Variants in MINK1 observed in about 807,000 individuals in gnomAD.
The protein encoded by MINK1 is misshapen like kinase 1, also known as misshapen-like kinase 1.
MINK1 carries 46 observed loss-of-function variants against 178.4 expected under a neutral mutation model. The observed-to-expected ratio is 0.26, with a 90% confidence interval of 0.20 to 0.33. The LOEUF is 0.33. Among genes scored for constraint, MINK1 ranks in the 10% least tolerant of loss-of-function variants. The pLI, the probability that MINK1 is intolerant of heterozygous loss-of-function variation, is 1.00. For synonymous variants in MINK1, 797 were observed against 709.7 expected, an observed-to-expected ratio of 1.12 and a Z score of -1.96; for missense variants, 1,366 against 1,814.9, an observed-to-expected ratio of 0.75 and a Z score of 4.49.
chr17:4,840,739 G>C (rs563155325), intron 1 of MINK1, among the ~76,000 whole-genome samples: 31 of 152,338 alleles, frequency 2.0e-4, no homozygotes, highest in Non-Finnish European at 3.4e-4. Context: ...TTGTATACAA[G>C]TAAAGGATGA....
At position 4,889,751 on chromosome 17, in the gene MINK1, G is replaced by GGAGCGCGAGCAGGTA; in HGVS notation, c.1342_1347+9dup. On this transcript the variant is annotated inframe_insertion, in exon 13 of 32. Coordinates refer to ENST00000355280, the MANE Select transcript of MINK1 (RefSeq NM_153827.5). ...GGCGGGAGGAGGAGCGGCGGCAGGCGGAGCGCGAGCAGGTAGAGCGCCGCA... is the reference window on the plus strand; with the variant it reads ...GGCGGGAGGAGGAGCGGCGGCAGGCGGAGCGCGAGCAGGTAGAGCGCGAGCAGGTAGAGCGCCGCA... The GGAGCGCGAGCAGGTA allele has an allele frequency of 6.5e-7, 1 of 1,540,008 alleles. No individual in the cohort carries two copies. Among genetic ancestry groups the GGAGCGCGAGCAGGTA allele is most frequent in the Non-Finnish European group, 8.7e-7 (1 of 1,146,092 alleles).
At chr17:4,859,911 C>T (rs529019075) in intron 1 of MINK1, among the ~76,000 whole-genome samples, 4 of 150,394 alleles carry the variant, frequency 2.7e-5, no homozygotes, top group Admixed American at 2.7e-4. Context: ...CATGCAAAAC[C>T]AACACCGTAG....
At chr17:4,875,318 A>G (rs1483253179) in intron 1 of MINK1, among the ~76,000 whole-genome samples, 1 of 152,120 alleles carries the variant, frequency 6.6e-6, no homozygotes, top group Non-Finnish European at 1.5e-5. Flanking sequence ...CACCCGTTAA[A>G]TATTGTTTTA....
intron 1 of MINK1, among the ~76,000 whole-genome samples, chr17:4,869,074 C>T (rs991512194): frequency 6.6e-6 from 1 of 151,918 alleles, no homozygotes; most frequent in Non-Finnish European, 1.5e-5. Context: ...CAGGCGCCAG[C>T]CACCACGCCC....
intron 1 of MINK1, chr17:4,844,616 T>C: frequency 2.0e-6 from 1 of 501,110 alleles, no homozygotes; most frequent in Non-Finnish European, 4.0e-6. Flanking sequence ...GGGGAGCACA[T>C]GTTGGGAATA....
At chr17:4,838,830 C>G (rs1395689088) in intron 1 of MINK1, among the ~76,000 whole-genome samples, 2 of 152,188 alleles carry the variant, frequency 1.3e-5, no homozygotes, top group African/African-American at 4.8e-5. Flanking sequence ...TATTGAGAAT[C>G]AGGTTCCAGA....
In MINK1 at chr17:4,833,396, C is replaced by T; in HGVS notation, c.-188C>T. ...AGGTGGTAGGCTCGGGTGGCTGGCT[C>T]CGGGGAGATAGCGCCTGTCAGTCGG... is the stretch of plus-strand genomic sequence containing the variant. On this transcript the variant is annotated 5_prime_UTR_variant, in exon 1 of 32. Coordinates refer to ENST00000355280, the MANE Select transcript of MINK1 (RefSeq NM_153827.5). The surrounding 1 kb of genome is among the most constrained non-coding windows in gnomAD (Gnocchi z 4.8). The T allele has an allele frequency of 1.9e-6, 1 of 534,190 alleles. No homozygotes were observed. Among genetic ancestry groups the T allele is most frequent in the Admixed American group, 4.0e-5 (1 of 25,150 alleles). The allele number at this position is 534,190 out of a possible 1,614,324, so 33.1% of individuals were successfully genotyped here. A position where few individuals can be genotyped will look rare whatever the true frequency, so the allele number is the denominator to read the frequency against.
rs753696868 is a variant in MINK1 at position 4,895,683 on chromosome 17, C to T, written c.3230-15C>T. ...TGAGAATGGGGGCGGGTGTGTATGT[C>T]TGTCCGTCCCTCAGGGAAAAGGAAC... On this transcript the variant is annotated splice_polypyrimidine_tract_variant and intron_variant, in intron 26 of 31. Transcript: ENST00000355280. This position sits in a 1 kb window ranked among gnomAD's most constrained non-coding sequence, Gnocchi z 4.3. 1 of 1,611,948 alleles carries T rather than the reference C, an allele frequency of 6.2e-7. No individual in the cohort carries two copies.
chr17:4,880,231 C>T (rs1967564800), intron 2 of MINK1, among the ~76,000 whole-genome samples: 1 of 152,002 alleles, frequency 6.6e-6, no homozygotes, highest in Non-Finnish European at 1.5e-5. Flanking sequence ...CGCTCTCTGT[C>T]CACTCCCATG....
chr17:4,894,635 TGAGGACAG>T lies in MINK1; in HGVS notation c.2917+11_2917+18del, dbSNP rs1423542228. On this transcript the variant is annotated splice_donor_5th_base_variant and intron_variant, in intron 24 of 31. Transcript: ENST00000355280. This position sits in a 1 kb window ranked among gnomAD's most constrained non-coding sequence, Gnocchi z 4.1. The stretch of plus-strand genomic sequence containing the variant: ...GTGGGGACAGCATCCCCATCACAGG[TGAGGACAG>T]GAGGACAGACCTGCTGTGAGGCCAG... 6.3e-7 allele frequency: 1 copy of T among 1,597,046 alleles called. No homozygotes were observed. Among genetic ancestry groups the T allele is most frequent in the African/African-American group, 1.3e-5 (1 of 74,480 alleles).
chr17:4,860,493 C>T (rs1346276500), intron 1 of MINK1, among the ~76,000 whole-genome samples: 6 of 151,800 alleles, frequency 4.0e-5, no homozygotes, highest in African/African-American at 1.5e-4. Flanking sequence ...ATAATCAAAC[C>T]CTTTGTTTCT....
At position 4,894,423 on chromosome 17, in the gene MINK1, C is replaced by G. The variant is rs2286668; in HGVS notation, c.2809-102C>G. The G allele has an allele frequency of 1.3e-6, 2 of 1,522,588 alleles. No homozygotes were observed. The highest frequency in any genetic ancestry group is 1.8e-6 in the Non-Finnish European group (2 of 1,123,062). The allele number at this position is 1,522,588 out of a possible 1,614,324, so 94.3% of individuals were successfully genotyped here. On this transcript the variant is annotated intron_variant, in intron 23 of 31. Transcript: ENST00000355280. This position sits in a 1 kb window ranked among gnomAD's most constrained non-coding sequence, Gnocchi z 4.1. Reference sequence around the variant, plus strand: ...GGGCGGAGCGCTGGGAGCTGGACAGCGGGGGTGCCAGTTGGGGAGCTGGAG... The same window carrying G: ...GGGCGGAGCGCTGGGAGCTGGACAGGGGGGGTGCCAGTTGGGGAGCTGGAG...
chr17:4,892,287 G>GT, intron 17 of MINK1, 53 bp downstream of exon 17: 2 of 1,516,848 alleles, frequency 1.3e-6, no homozygotes. Context: ...AGCCTAGGGA[G>GT]TAGGGGGGGC....
At chr17:4,839,939 ATGTGTGTGTGTGTGTGTGTGTGTG>A (rs34473686) in intron 1 of MINK1, among the ~76,000 whole-genome samples, 11,072 of 141,994 alleles carry the variant, frequency 0.078, 453 homozygotes, top group Non-Finnish European at 0.098. Context: ...TTATTTATTA[ATGTGTGTGTGTGTGTGTGTGTGTG>A]TGTGTGTGTG....
chr17:4,886,389 C>T lies in MINK1; in HGVS notation c.774-62C>T, dbSNP rs527983494. ...GGCTTGTGGATGAATGATCCACCCT[C>T]TTCCTCCTGCACCCATCCCTTCTGA... On this transcript the variant is annotated intron_variant, in intron 9 of 31. Coordinates refer to ENST00000355280, the MANE Select transcript of MINK1 (RefSeq NM_153827.5). This position sits in a 1 kb window ranked among gnomAD's most constrained non-coding sequence, Gnocchi z 6.1. 63 of 1,556,448 alleles carry T rather than the reference C, an allele frequency of 4.0e-5. No individual in the cohort carries two copies. The East Asian group carries it at 1.4e-3, about 33-fold the overall frequency.
intron 4 of MINK1, among the ~76,000 whole-genome samples, chr17:4,881,636 A>G (rs1231467449): frequency 6.6e-6 from 1 of 152,226 alleles, no homozygotes; most frequent in Non-Finnish European, 1.5e-5. Context: ...AGCTCCTGGG[A>G]AAGCAACAGA....
At chr17:4,860,753 T>C (rs1264447716) in intron 1 of MINK1, 4 of 519,976 alleles carry the variant, frequency 7.7e-6, no homozygotes, top group Non-Finnish European at 1.5e-5. Context: ...TGGTCAGTTC[T>C]AGGGAGCAGA....
chr17:4,874,577 C>T (rs1967003472), intron 1 of MINK1, among the ~76,000 whole-genome samples: 2 of 151,962 alleles, frequency 1.3e-5, no homozygotes, highest in African/African-American at 4.8e-5. Context: ...AAGCCAAGCA[C>T]ATGTTGAAGG....
rs946966042 is a variant in MINK1 at position 4,879,066 on chromosome 17, C to A, written c.123+684C>A. On this transcript the variant is annotated intron_variant, in intron 2 of 31. Transcript: ENST00000355280. ...TGCAGCAGGGAGTGAGGTGGCCTGA[C>A]CACTGCTCACACTTGGATTGTGGGA... Among the ~76,000 whole-genome samples the A allele has an allele frequency of 2.8e-4, 43 of 151,474 alleles. 1 individual carries two copies. The highest frequency in any genetic ancestry group is 5.4e-4 in the Non-Finnish European group (37 of 67,922).
Sources: allele counts gnomAD v4.1 joint callset (sites outside exome capture counted in the v4.1 genomes callset), GRCh38; gene constraint gnomAD v4.1.1; non-coding constraint Gnocchi (gnomAD v3.1); transcripts MANE v1.5; gene names NCBI Gene and HGNC (gene_info 2026-07-23, HGNC 2026-07-21).